Variants in GLIS3 observed in about 807,000 individuals in gnomAD.
GLIS3 encodes GLIS family zinc finger 3, also known as zinc finger protein GLIS3.
A neutral mutation model predicts 78.6 loss-of-function variants in GLIS3; 53 were observed. The ratio of observed to expected loss-of-function variants is 0.67; its 90% CI spans 0.54 to 0.85. The LOEUF is 0.85. Among genes scored for constraint, GLIS3 ranks in the 40% least tolerant of loss-of-function variants. The probability of loss-of-function intolerance (pLI) is 0.00; values close to 1 mark genes in which losing one functional copy is unlikely to be tolerated. For missense variants in GLIS3, 1,703 were observed against 1,231.1 expected (o/e 1.38, Z -5.74); for synonymous variants, 684 against 509.9 (o/e 1.34, Z -4.60).
chr9:4,108,426 G>A, intron 4 of GLIS3, among the ~76,000 whole-genome samples: 1 of 152,190 alleles, frequency 6.6e-6, no homozygotes, highest in East Asian at 1.9e-4. Context: ...GAAGAAGGTA[G>A]TAGGGGTCAC....
At chr9:4,217,489 A>T (rs1820960353) in intron 2 of GLIS3, among the ~76,000 whole-genome samples, 1 of 152,214 alleles carries the variant, frequency 6.6e-6, no homozygotes, top group Admixed American at 6.5e-5. Context: ...TATAGTATAC[A>T]GCATGGACTA....
chr9:4,056,468 A>C (rs1826163077), intron 4 of GLIS3, among the ~76,000 whole-genome samples: 1 of 152,204 alleles, frequency 6.6e-6, no homozygotes, highest in Non-Finnish European at 1.5e-5. Flanking sequence ...GAAAGTTTCA[A>C]ATGGAATACC....
chr9:4,181,098 C>T (rs1359112566), intron 2 of GLIS3, among the ~76,000 whole-genome samples: 4 of 152,210 alleles, frequency 2.6e-5, no homozygotes, highest in African/African-American at 9.7e-5. Flanking sequence ...TGAGCAGATG[C>T]CTGGCAGCCA....
chr9:4,259,703 T>C (rs1310512872), intron 2 of GLIS3, among the ~76,000 whole-genome samples: 1 of 152,168 alleles, frequency 6.6e-6, no homozygotes, highest in Non-Finnish European at 1.5e-5. Context: ...AGGCAGGACC[T>C]GTTCAAACTT....
chr9:4,108,114 G>T (rs1460459694), intron 4 of GLIS3, among the ~76,000 whole-genome samples: 1 of 152,116 alleles, frequency 6.6e-6, no homozygotes, highest in Non-Finnish European at 1.5e-5. Flanking sequence ...TAGCTCTGAG[G>T]GTGATAGTGA....
chr9:3,900,754 C>T (rs1221554742), intron 6 of GLIS3: 1 of 151,938 alleles, frequency 6.6e-6, no homozygotes, highest in Non-Finnish European at 1.5e-5. Context: ...AACATTACAA[C>T]TGATTTTTGC....
intron 7 of GLIS3, among the ~76,000 whole-genome samples, chr9:3,890,144 C>G (rs996123438): frequency 2.0e-5 from 3 of 152,178 alleles, no homozygotes; most frequent in African/African-American, 7.2e-5. Context: ...GCCATCAATC[C>G]CATTTCTCCT....
intron 2 of GLIS3, among the ~76,000 whole-genome samples, chr9:4,337,869 C>T (rs1350920814): frequency 6.6e-6 from 1 of 152,006 alleles, no homozygotes; most frequent in Non-Finnish European, 1.5e-5. Context: ...AACTATTACC[C>T]CCATTTGAAA....
At chr9:3,855,575 G>C (rs1239601811) in intron 9 of GLIS3, 1 of 244,750 alleles carries the variant, frequency 4.1e-6, no homozygotes, top group Non-Finnish European at 8.0e-6. Flanking sequence ...ATCAGGAAGG[G>C]CTTCAGAGAG....
chr9:3,950,734 G>A (rs1030723922), intron 4 of GLIS3, among the ~76,000 whole-genome samples: 8 of 152,224 alleles, frequency 5.3e-5, no homozygotes, highest in Non-Finnish European at 8.8e-5. Context: ...AACCAGGCTT[G>A]TCCCTTTTCA....
intron 9 of GLIS3, among the ~76,000 whole-genome samples, chr9:3,848,273 A>C (rs1282963292): frequency 2.0e-5 from 3 of 152,062 alleles, no homozygotes; most frequent in African/African-American, 7.2e-5. Context: ...GGCCAAGGCA[A>C]GTGGATCACC....
rs974106949 is a variant in GLIS3 at position 4,260,701 on chromosome 9, G to A, written c.388+25337C>T. Among the ~76,000 whole-genome samples the A allele has an allele frequency of 3.3e-5, 5 of 152,002 alleles. No homozygotes were observed. The South Asian group carries it at 6.3e-4, about 19-fold the overall frequency. ...GCGGAGGTTGCAGTGAGCCGAGATCGTGCCACTGTACTCCAGCCTGGTGAC... is the reference window on the plus strand; with the variant it reads ...GCGGAGGTTGCAGTGAGCCGAGATCATGCCACTGTACTCCAGCCTGGTGAC... On this transcript the variant is annotated intron_variant, in intron 2 of 10. Coordinates refer to ENST00000381971, the MANE Select transcript of GLIS3 (RefSeq NM_001042413.2).
intron 4 of GLIS3, among the ~76,000 whole-genome samples, chr9:4,059,001 GA>G (rs1032302495): frequency 3.3e-5 from 5 of 149,944 alleles, no homozygotes; most frequent in African/African-American, 7.4e-5. Context: ...AAAAAAAAAA[GA>G]AAAAAAGAAA....
intron 2 of GLIS3, among the ~76,000 whole-genome samples, chr9:4,283,345 A>G (rs1401973318): frequency 1.3e-5 from 2 of 150,786 alleles, no homozygotes; most frequent in Admixed American, 1.3e-4. Flanking sequence ...TGCTCACTGC[A>G]ATCTCTGCCT....
At chr9:3,963,774 G>A (rs577456069) in intron 4 of GLIS3, among the ~76,000 whole-genome samples, 9 of 151,754 alleles carry the variant, frequency 5.9e-5, no homozygotes, top group Non-Finnish European at 1.3e-4. Context: ...GTGGCGTCAG[G>A]CCTCACCGAG....
chr9:4,040,836 G>C (rs966235932), intron 4 of GLIS3, among the ~76,000 whole-genome samples: 1 of 152,212 alleles, frequency 6.6e-6, no homozygotes, highest in Non-Finnish European at 1.5e-5. Flanking sequence ...CTTTAGGTAA[G>C]AGTTGAAGTG....
At chr9:3,909,931 ATTTAAT>A (rs1341361404) in intron 6 of GLIS3, among the ~76,000 whole-genome samples, 3 of 152,204 alleles carry the variant, frequency 2.0e-5, no homozygotes, top group African/African-American at 7.2e-5. Context: ...TTTTAATTTT[ATTTAAT>A]TTTAATTAAA....
At chr9:3,848,242 T>A (rs1819180787) in intron 9 of GLIS3, among the ~76,000 whole-genome samples, 1 of 152,244 alleles carries the variant, frequency 6.6e-6, no homozygotes, top group Non-Finnish European at 1.5e-5. Context: ...GGCTCATGCC[T>A]GTAATCCCAG....
At chr9:4,428,540 A>G in the GLIS3 span, among the ~76,000 whole-genome samples, 4 of 151,330 alleles carry the variant, frequency 2.6e-5, no homozygotes, top group Admixed American at 2.6e-4. Context: ...AATGAAATTG[A>G]GCTATCTGCA....
Sources: gnomAD v4.1 joint callset for allele counts (sites outside exome capture counted in the v4.1 genomes callset) on GRCh38, gnomAD v4.1.1 for gene constraint, MANE v1.5 for transcripts, NCBI Gene and HGNC (gene_info 2026-07-23, HGNC 2026-07-21) for gene names.